CADPS2: variants seen among roughly 807,000 people sequenced by gnomAD.
CADPS2 encodes the protein calcium-dependent secretion activator 2.
Under a neutral mutation model 172.5 loss-of-function variants are expected in CADPS2, and 93 were observed. The observed-to-expected ratio is 0.54, with a 90% CI of 0.46 to 0.64. CADPS2 has a LOEUF of 0.64. CADPS2 is among the 30% of genes least tolerant of loss of function. The pLI is 0.00. For synonymous variants in CADPS2, 546 were observed against 555.2 expected (o/e 0.98, Z 0.23); for missense variants, 1,420 against 1,565.9 (o/e 0.91, Z 1.57).
At chr7:122,653,489 T>C (rs2079400275) in intron 3 of CADPS2, among the ~76,000 whole-genome samples, 1 of 152,240 alleles carries the variant, frequency 6.6e-6, no homozygotes, top group Non-Finnish European at 1.5e-5. Context: ...GTGATTTCTA[T>C]TGCTTTGCCT....
intron 1 of CADPS2, among the ~76,000 whole-genome samples, chr7:122,751,820 A>G (rs1327201532): frequency 6.6e-6 from 1 of 152,216 alleles, no homozygotes; most frequent in Non-Finnish European, 1.5e-5. Context: ...AACTCAGGCT[A>G]TGGTATATGC....
chr7:122,808,694 C>A (rs746125082), intron 1 of CADPS2, among the ~76,000 whole-genome samples: 1 of 152,126 alleles, frequency 6.6e-6, no homozygotes, highest in Non-Finnish European at 1.5e-5. Flanking sequence ...TCTGAAATCC[C>A]AGCAGTTGCC....
intron 1 of CADPS2, among the ~76,000 whole-genome samples, chr7:122,843,424 G>A (rs1811126531): frequency 6.6e-6 from 1 of 152,076 alleles, no homozygotes; most frequent in African/African-American, 2.4e-5. Flanking sequence ...TTGACCTATG[G>A]GGTGTCACTG....
At chr7:122,562,709 T>TGTAAA (rs1378108498) in intron 7 of CADPS2, among the ~76,000 whole-genome samples, 3 of 152,290 alleles carry the variant, frequency 2.0e-5, no homozygotes, top group African/African-American at 7.2e-5. Flanking sequence ...GTGTGTGATT[T>TGTAAA]AAAGATATTT....
At chr7:122,840,954 A>G (rs1004661024) in intron 1 of CADPS2, among the ~76,000 whole-genome samples, 4 of 152,210 alleles carry the variant, frequency 2.6e-5, no homozygotes, top group Non-Finnish European at 5.9e-5. Context: ...AAGAAAGCCC[A>G]TAAGAACAAC....
At chr7:122,727,606 G>A (rs2091239309) in intron 2 of CADPS2, among the ~76,000 whole-genome samples, 1 of 151,584 alleles carries the variant, frequency 6.6e-6, no homozygotes, top group African/African-American at 2.4e-5. Context: ...GAGAGAAGAG[G>A]AAAATGCTCA....
intron 3 of CADPS2, among the ~76,000 whole-genome samples, chr7:122,657,973 T>A (rs1744523061): frequency 6.6e-6 from 1 of 151,944 alleles, no homozygotes; most frequent in South Asian, 2.1e-4. Flanking sequence ...TGGGAGAAAA[T>A]TTTTGCAATC....
intron 24 of CADPS2, among the ~76,000 whole-genome samples, chr7:122,385,572 CA>C (rs1013309274): frequency 5.5e-5 from 8 of 145,918 alleles, no homozygotes; most frequent in Non-Finnish European, 9.1e-5. Context: ...TAACTCACGA[CA>C]AAAAAAAAAG....
At chr7:122,538,056 C>T (rs1245539967) in intron 8 of CADPS2, among the ~76,000 whole-genome samples, 1 of 151,464 alleles carries the variant, frequency 6.6e-6, no homozygotes, top group Non-Finnish European at 1.5e-5. Flanking sequence ...CTCCCCTTAC[C>T]TCCAACCGAA....
rs529956224 is a variant in CADPS2, at chr7:122,432,149, C to T, written c.2476+6192G>A. On this transcript the variant is annotated intron_variant, in intron 17 of 29. Transcript: ENST00000449022. Reference sequence around the variant, plus strand: ...CTTTGAATCAGTCTTGGAGGCATGGCAGCCAGTGAAAAGAATGTGAAGAGG... The same window carrying T: ...CTTTGAATCAGTCTTGGAGGCATGGTAGCCAGTGAAAAGAATGTGAAGAGG... Among the ~76,000 whole-genome samples the T allele has an allele frequency of 8.0e-4, 122 of 152,124 alleles. 2 individuals carry two copies. Among genetic ancestry groups the T allele is most frequent in the African/African-American group, 2.8e-3 (117 of 41,492 alleles).
At chr7:122,351,544 A>C (rs2038643016) in intron 27 of CADPS2, among the ~76,000 whole-genome samples, 1 of 152,074 alleles carries the variant, frequency 6.6e-6, no homozygotes, top group African/African-American at 2.4e-5. Flanking sequence ...TGAATTAAAA[A>C]TAATGACACT....
chr7:122,417,821 A>C (rs2151774949), intron 17 of CADPS2, among the ~76,000 whole-genome samples: 1 of 152,296 alleles, frequency 6.6e-6, no homozygotes, highest in African/African-American at 2.4e-5. Context: ...CTTAGAAATA[A>C]CAAATGACCT....
chr7:122,612,169 T>C (rs10254479), intron 6 of CADPS2, among the ~76,000 whole-genome samples: 2,335 of 152,096 alleles, frequency 0.015, 58 homozygotes, highest in African/African-American at 0.053. Flanking sequence ...TGCCTTTTCT[T>C]ACCACTTATA....
intron 8 of CADPS2, among the ~76,000 whole-genome samples, chr7:122,532,204 TGAG>T (rs2061823713): frequency 6.6e-6 from 1 of 152,118 alleles, no homozygotes; most frequent in African/African-American, 2.4e-5. Context: ...TGTTCCTTTT[TGAG>T]GAGGAGATAA....
At chr7:122,574,764 AACAG>A (rs1286918660) in intron 7 of CADPS2, among the ~76,000 whole-genome samples, 1 of 152,204 alleles carries the variant, frequency 6.6e-6, no homozygotes, top group East Asian at 1.9e-4. Flanking sequence ...ATGAAAAAAT[AACAG>A]ACACAGACTA....
intron 6 of CADPS2, among the ~76,000 whole-genome samples, chr7:122,598,824 C>T (rs571061019): frequency 8.5e-5 from 13 of 152,084 alleles, no homozygotes; most frequent in African/African-American, 2.7e-4. Context: ...ACTGAGGATA[C>T]GATGTTGAAT....
Position 122,415,073 on chromosome 7 carries a change from T to C in CADPS2, c.2580+988A>G, listed in dbSNP as rs188868588. ...GAATTTTAAGTCTCAGAATGAGCAG[T>C]TTGCTTGGTGAAAAGCCACTCTAGA... On this transcript the variant is annotated intron_variant, in intron 18 of 29. Transcript: ENST00000449022. Among the ~76,000 whole-genome samples, 220 of 152,310 alleles carry C rather than the reference T, an allele frequency of 1.4e-3. 1 individual carries two copies. Among genetic ancestry groups the C allele is most frequent in the Middle Eastern group, 6.8e-3 (2 of 294 alleles).
At chr7:122,764,707 TAA>T (rs2093494674) in intron 1 of CADPS2, among the ~76,000 whole-genome samples, 1 of 151,950 alleles carries the variant, frequency 6.6e-6, no homozygotes, top group Non-Finnish European at 1.5e-5. Flanking sequence ...AGTGAAAGAA[TAA>T]GTCATTCAAA....
intron 1 of CADPS2, among the ~76,000 whole-genome samples, chr7:122,836,050 A>C (rs1242627636): frequency 1.3e-5 from 2 of 152,234 alleles, no homozygotes; most frequent in Non-Finnish European, 2.9e-5. Context: ...TTACCCACAA[A>C]GGGAAGCACA....
Sources: allele counts gnomAD v4.1 joint callset (sites outside exome capture counted in the v4.1 genomes callset), GRCh38; gene constraint gnomAD v4.1.1; transcripts MANE v1.5; gene names NCBI Gene and HGNC (gene_info 2026-07-23, HGNC 2026-07-21).